Variants in CCDC154 observed in about 807,000 individuals in gnomAD.
CCDC154 encodes the protein coiled-coil domain containing 154.
In CCDC154, 91 loss-of-function variants were observed where a neutral mutation model predicts 87.5. The ratio of observed to expected loss-of-function variants is 1.04; its 90% CI spans 0.88 to 1.24. CCDC154 has a LOEUF of 1.24. Among genes scored for constraint, CCDC154 ranks in the 50% most tolerant of loss-of-function variants. CCDC154 has a pLI of 0.00. For missense variants in CCDC154, 903 were observed against 879.2 expected, an observed-to-expected ratio of 1.03 and a Z score of -0.34; for synonymous variants, 418 against 400.4, an observed-to-expected ratio of 1.04 and a Z score of -0.52.
intron 3 of CCDC154, 89 bp from the exon 4 acceptor site, chr16:1,443,390 C>T: frequency 6.8e-7 from 1 of 1,474,308 alleles, no homozygotes; most frequent in South Asian, 1.3e-5. Context: ...GCACCACTGG[C>T]CCCTGGGAGC....
rs2038593842 is a variant in CCDC154, at chr16:1,444,518, G to A, written c.-196C>T. The A allele has an allele frequency of 4.9e-6, 2 of 406,592 alleles. No individual in the cohort carries two copies. The highest frequency in any genetic ancestry group is 4.4e-6 in the Non-Finnish European group (1 of 229,884). 25.2% of individuals were successfully genotyped at this position (406,592 alleles called of 1,614,324 possible). A position where few individuals can be genotyped will look rare whatever the true frequency, so the allele number is the denominator to read the frequency against. ...GGGTCCCCAGGGAGGCAGGTGTGGG[G>A]CAGCGGGGCCGTTCCAGAACCTTCC... is the stretch of plus-strand genomic sequence containing the variant. On this transcript the variant is annotated 5_prime_UTR_variant, in exon 1 of 17. Coordinates refer to ENST00000389176, the MANE Select transcript of CCDC154 (RefSeq NM_001143980.3).
Position 1,442,964 on chromosome 16 carries a change from A to G in CCDC154, c.467T>C (p.Val156Ala), listed in dbSNP as rs1359126613. Reference protein sequence around the residue: ...MQALDKRLVEVREALTRLRRR... With the variant: ...MQALDKRLVEAREALTRLRRR... ...CCTGAGCCGGGTCAAGGCTTCCCGG[A>G]CCTCCACCAGCCTGGGACACAACAA... is the stretch of plus-strand genomic sequence containing the variant. Residue 156 changes from valine to alanine, a missense_variant, in exon 5 of 17, where the codon GTC (valine) becomes GCC (alanine). Coordinates refer to ENST00000389176, the MANE Select transcript of CCDC154 (RefSeq NM_001143980.3). 5.2e-6 allele frequency: 8 copies of G among 1,548,376 alleles called. No homozygotes were observed. The highest frequency in any genetic ancestry group is 1.7e-4 in the Middle Eastern group (1 of 5,980).
rs2038567324 is a variant in CCDC154 at position 1,442,942 on chromosome 16, G to C, written c.489C>G (p.Leu163=). The change falls in exon 5 of 17, where the codon CTC becomes CTG. Residue 163 remains leucine, a synonymous_variant. Transcript: ENST00000389176. ...CCTCCTGTTGCACCTGCCTCCTCCT[G>C]AGCCGGGTCAAGGCTTCCCGGACCT... ...LVEVREALTR[L]RRRQVQQEAE... 1 of 1,549,910 alleles carries C rather than the reference G, an allele frequency of 6.5e-7. No homozygotes were observed. Among genetic ancestry groups the C allele is most frequent in the Non-Finnish European group, 8.7e-7 (1 of 1,146,850 alleles).
At chr16:1,434,974 G>A (rs984757950) in intron 15 of CCDC154, 115 bp downstream of exon 15, 1 of 1,410,080 alleles carries the variant, frequency 7.1e-7, no homozygotes, top group African/African-American at 1.4e-5. Context: ...CCCTGCCCAT[G>A]GCCAGACACT....
In CCDC154 at chr16:1,443,701, C is replaced by T. The variant is rs574473418; in HGVS notation, c.225-6G>A. 2.8e-5 allele frequency: 36 copies of T among 1,293,480 alleles called. No individual in the cohort carries two copies. The Admixed American group carries it at 4.5e-4, about 16-fold the overall frequency. 80.1% of individuals were successfully genotyped at this position (1,293,480 alleles called of 1,614,324 possible). A position where few individuals can be genotyped will look rare whatever the true frequency, so the allele number is the denominator to read the frequency against. On this transcript the variant is annotated splice_polypyrimidine_tract_variant and splice_region_variant and intron_variant, in intron 2 of 16. Coordinates refer to ENST00000389176, the MANE Select transcript of CCDC154 (RefSeq NM_001143980.3). Reference sequence around the variant, plus strand: ...CGGCCTGCAGCTCCACCACCCTGGCCGGGGCGAGAGTGGGCGAGTCTGGCG... The same window carrying T: ...CGGCCTGCAGCTCCACCACCCTGGCTGGGGCGAGAGTGGGCGAGTCTGGCG...
In CCDC154 at chr16:1,444,019, G is replaced by T; in HGVS notation, c.8-7C>A. The stretch of plus-strand genomic sequence containing the variant: ...GGTCCACTGTCAGCCAACTCTACAA[G>T]GAGGCATCTTGGGAGCTTGCCCCTT... On this transcript the variant is annotated splice_polypyrimidine_tract_variant and splice_region_variant and intron_variant, in intron 1 of 16. Transcript: ENST00000389176. 6 of 1,297,720 alleles carry T rather than the reference G, an allele frequency of 4.6e-6. No individual in the cohort carries two copies. The highest frequency in any genetic ancestry group is 6.1e-6 in the Non-Finnish European group (6 of 988,752). The allele number at this position is 1,297,720 out of a possible 1,614,324, so 80.4% of individuals were successfully genotyped here.
chr16:1,441,537 T>A (rs879461263), intron 6 of CCDC154, among the ~76,000 whole-genome samples: 41 of 152,276 alleles, frequency 2.7e-4, no homozygotes, highest in South Asian at 1.2e-3. Context: ...GGGGAGCCAC[T>A]CCAGCCCCGT....
chr16:1,443,587 C>T lies in CCDC154; in HGVS notation c.333G>A (p.Val111=). 3.4e-6 allele frequency: 5 copies of T among 1,460,342 alleles called. No individual in the cohort carries two copies. The highest frequency in any genetic ancestry group is 4.5e-6 in the Non-Finnish European group (5 of 1,103,970). The allele number at this position is 1,460,342 out of a possible 1,614,324, so 90.5% of individuals were successfully genotyped here. A position where few individuals can be genotyped will look rare whatever the true frequency, so the allele number is the denominator to read the frequency against. Residue 111 remains valine (V), a synonymous_variant, in exon 3 of 17, where the codon GTG becomes GTA. Transcript: ENST00000389176. ...GCCTCAGCTCTGAGCCCTGCAGCTGCACGCGGGCCCGCACCTGGAGCAGCT... is the reference window on the plus strand; with the variant it reads ...GCCTCAGCTCTGAGCCCTGCAGCTGTACGCGGGCCCGCACCTGGAGCAGCT... ...LRELLQVRAR[V]QLQGSELRQL...
At chr16:1,443,049 G>C (rs1481064489) in intron 4 of CCDC154, 74 bp from the exon 5 acceptor site, 10 of 1,516,814 alleles carry the variant, frequency 6.6e-6, no homozygotes, top group Non-Finnish European at 8.9e-6. Context: ...GTCTGGCCAA[G>C]GGGCCCCTGT....
At chr16:1,444,088 C>T in intron 1 of CCDC154, 76 bp from the exon 2 acceptor site, 1 of 1,167,754 alleles carries the variant, frequency 8.6e-7, no homozygotes, top group South Asian at 1.3e-5. Context: ...AGGCCCCAAA[C>T]CCCCGCAGGA....
chr16:1,443,730 C>T (rs767416446), intron 2 of CCDC154, 35 bp from the exon 3 acceptor site: 10 of 1,300,908 alleles, frequency 7.7e-6, no homozygotes, highest in South Asian at 1.2e-5. Context: ...TCTGGCGGTG[C>T]CCGCCGTGGA....
rs2038518536 is a variant in CCDC154, at chr16:1,438,084, A to G, written c.1118T>C (p.Leu373Pro). 2.6e-6 allele frequency: 4 copies of G among 1,548,710 alleles called. No individual in the cohort carries two copies. In the East Asian group the frequency reaches 9.8e-5, roughly 38 times the overall value. The part of the protein sequence containing the change: ...NLEAAQLAGE[L>P]ARQEMHGELV... ...CTCTCCATGCATCTCCTGCCGGGCC[A>G]GCTCGCCAGCCAGCTGTGCGGCCTC... Residue 373 changes from leucine to proline, a missense_variant, in exon 10 of 17, where the codon CTG becomes CCG. By Grantham distance (98) the Leu-to-Pro change is moderately conservative. Coordinates refer to ENST00000389176, the MANE Select transcript of CCDC154 (RefSeq NM_001143980.3).
At position 1,437,451 on chromosome 16, in the gene CCDC154, G is replaced by A. The variant is rs779549802; in HGVS notation, c.1290+366C>T. On this transcript the variant is annotated intron_variant, in intron 11 of 16. Coordinates refer to ENST00000389176, the MANE Select transcript of CCDC154 (RefSeq NM_001143980.3). ...GACACACGGAACTGTGCACGTTCAC[G>A]GGTGAACCGTGTGGGGAGTGAATCC... is the stretch of plus-strand genomic sequence containing the variant. 13 of 239,834 alleles carry A rather than the reference G, an allele frequency of 5.4e-5. No individual in the cohort carries two copies. The East Asian group carries it at 1.1e-3, about 21-fold the overall frequency. 14.9% of individuals were successfully genotyped at this position (239,834 alleles called of 1,614,324 possible).
intron 7 of CCDC154, 29 bp downstream of exon 7, chr16:1,438,996 G>A: frequency 1.3e-6 from 2 of 1,550,008 alleles, no homozygotes; most frequent in Non-Finnish European, 8.7e-7. Context: ...AAGGGGGGCA[G>A]GGCAGGCCAG....
chr16:1,444,080 G>T, intron 1 of CCDC154, 68 bp from the exon 2 acceptor site: 1 of 1,203,014 alleles, frequency 8.3e-7, no homozygotes, highest in Non-Finnish European at 1.1e-6. Flanking sequence ...CGGGAACAAG[G>T]CCCCAAACCC....
At chr16:1,437,642 A>G (rs1039546525) in intron 11 of CCDC154, 175 bp downstream of exon 11, 1 of 769,024 alleles carries the variant, frequency 1.3e-6, no homozygotes, top group African/African-American at 1.8e-5. Flanking sequence ...GTCCTGCCCC[A>G]CACAGGAGTC....
chr16:1,434,576 A>AAGG, intron 16 of CCDC154, 42 bp from the exon 17 acceptor site: 2 of 808,102 alleles, frequency 2.5e-6, no homozygotes, highest in Non-Finnish European at 3.2e-6. Context: ...CCCCCGCCCC[A>AAGG]CCCCCCATGG....
At position 1,443,258 on chromosome 16, in the gene CCDC154, T is replaced by C; in HGVS notation, c.455+3A>G. ...CCTGTGCCCCTAGGTGTGTGGGGGGTACCTTTTGTCCAGGGCCTGCATCTG... is the reference window on the plus strand; with the variant it reads ...CCTGTGCCCCTAGGTGTGTGGGGGGCACCTTTTGTCCAGGGCCTGCATCTG... On this transcript the variant is annotated splice_donor_region_variant and intron_variant, in intron 4 of 16. Transcript: ENST00000389176. 3.9e-6 allele frequency: 6 copies of C among 1,548,184 alleles called. No individual in the cohort carries two copies. The highest frequency in any genetic ancestry group is 3.6e-5 in the South Asian group (3 of 83,972).
intron 16 of CCDC154, 22 bp from the exon 17 acceptor site, chr16:1,434,556 G>T: frequency 6.5e-7 from 1 of 1,535,554 alleles, no homozygotes. Flanking sequence ...TGCGGCACAT[G>T]GCCCCTGCAC....
Sources: allele counts gnomAD v4.1 joint callset (sites outside exome capture counted in the v4.1 genomes callset), GRCh38; gene constraint gnomAD v4.1.1; transcripts MANE v1.5; gene names NCBI Gene and HGNC (gene_info 2026-07-23, HGNC 2026-07-21).